Variants in ZNF266 observed in about 807,000 individuals in gnomAD.
ZNF266 encodes the protein zinc finger protein 1.
In ZNF266, 16 loss-of-function variants were observed where a neutral mutation model predicts 16.4. The ratio of observed to expected loss-of-function variants is 0.98; its 90% CI spans 0.66 to 1.48. The LOEUF (loss-of-function observed/expected upper bound fraction) is 1.48, where lower values mean the gene tolerates loss of function less well. Among genes scored for constraint, ZNF266 ranks in the 40% most tolerant of loss-of-function variants. The probability of loss-of-function intolerance (pLI) is 0.00; values close to 1 mark genes in which losing one functional copy is unlikely to be tolerated. For missense variants in ZNF266, 738 were observed against 689.1 expected, an observed-to-expected ratio of 1.07 and a Z score of -0.79; for synonymous variants, 262 against 237.9, an observed-to-expected ratio of 1.10 and a Z score of -0.93.
intron 5 of ZNF266, among the ~76,000 whole-genome samples, chr19:9,430,372 C>CACTT (rs148727083): frequency 6.6e-6 from 1 of 151,286 alleles, no homozygotes; most frequent in Non-Finnish European, 1.5e-5. Flanking sequence ...TTTTAAAGAC[C>CACTT]TTTCCTGAAC....
At chr19:9,432,138 T>A (rs1599574215) in intron 5 of ZNF266, among the ~76,000 whole-genome samples, 1 of 146,924 alleles carries the variant, frequency 6.8e-6, no homozygotes, top group African/African-American at 2.5e-5. Flanking sequence ...GTATTTTTTT[T>A]AATAGAGTCA....
intron 8 of ZNF266, among the ~76,000 whole-genome samples, chr19:9,418,125 C>T (rs753205931): frequency 2.0e-5 from 3 of 152,228 alleles, no homozygotes; most frequent in Non-Finnish European, 2.9e-5. Flanking sequence ...AGCACTAAGA[C>T]TTTTATCCAA....
chr19:9,421,569 T>C lies in ZNF266; in HGVS notation c.-129-1351A>G, dbSNP rs538845138. ...TCCAGTCTATCTTTTCACTCTCAAC[T>C]CCAGATAAGCACCCTGTGATTTCCT... On this transcript the variant is annotated intron_variant, in intron 5 of 10. Transcript: ENST00000592904. 1.3e-5 allele frequency among the ~76,000 whole-genome samples: 2 copies of C among 152,294 alleles called. 1 individual carries two copies. Among genetic ancestry groups the C allele is most frequent in the South Asian group, 4.1e-4 (2 of 4,826 alleles).
intron 5 of ZNF266, among the ~76,000 whole-genome samples, chr19:9,431,808 C>G (rs527894679): frequency 2.0e-5 from 3 of 152,162 alleles, no homozygotes; most frequent in Non-Finnish European, 4.4e-5. Context: ...TGTAATATGA[C>G]CCCAGAGATC....
intron 5 of ZNF266, among the ~76,000 whole-genome samples, chr19:9,429,351 C>T (rs986984955): frequency 6.6e-6 from 1 of 152,046 alleles, no homozygotes; most frequent in Admixed American, 6.6e-5. Context: ...AGGGGACCCA[C>T]CTGAACCTAA....
chr19:9,426,065 G>A (rs1235363205), intron 5 of ZNF266, among the ~76,000 whole-genome samples: 1 of 152,120 alleles, frequency 6.6e-6, no homozygotes, highest in Non-Finnish European at 1.5e-5. Context: ...GGGAGATGAC[G>A]GCACCTCGCT....
intron 9 of ZNF266, among the ~76,000 whole-genome samples, chr19:9,416,734 C>T (rs114269194): frequency 0.025 from 3,330 of 134,234 alleles, 70 homozygotes; most frequent in African/African-American, 0.058. Context: ...TTCAGCGGCA[C>T]GATCTTGGCT....
intron 10 of ZNF266, among the ~76,000 whole-genome samples, chr19:9,415,391 G>A (rs1265530513): frequency 1.3e-5 from 2 of 152,190 alleles, no homozygotes; most frequent in Non-Finnish European, 2.9e-5. Flanking sequence ...TTTTGGGAAT[G>A]CTACTTATCT....
At chr19:9,414,838 C>A in intron 10 of ZNF266, 118 bp from the exon 11 acceptor site, 1 of 1,206,390 alleles carries the variant, frequency 8.3e-7, no homozygotes, top group Non-Finnish European at 1.1e-6. Context: ...TTTCATTACA[C>A]ACATATAAGT....
intron 5 of ZNF266, among the ~76,000 whole-genome samples, chr19:9,429,502 C>G (rs894276385): frequency 2.0e-5 from 3 of 151,930 alleles, no homozygotes; most frequent in Non-Finnish European, 4.4e-5. Context: ...CACTTTATAC[C>G]CCAGTGACAT....
Position 9,413,983 on chromosome 19 carries a change from A to G in ZNF266, c.1143T>C (p.His381=). 6.2e-7 allele frequency: 1 copy of G among 1,614,154 alleles called. No individual in the cohort carries two copies. The highest frequency in any genetic ancestry group is 1.1e-5 in the South Asian group (1 of 91,078). The change falls in exon 11 of 11, where the codon CAT becomes CAC. Residue 381 remains histidine, a synonymous_variant. Coordinates refer to ENST00000592904, the MANE Select transcript of ZNF266 (RefSeq NM_001370374.1). Reference sequence around the variant, plus strand: ...GATCCTTTGCAGTGTGAGTTTTTAAATGTTCAGTAAGTTGAGAAGATCTAG... The same window carrying G: ...GATCCTTTGCAGTGTGAGTTTTTAAGTGTTCAGTAAGTTGAGAAGATCTAG... ...AFTRSSQLTE[H]LKTHTAKDPF...
Position 9,414,074 on chromosome 19 carries a change from C to T in ZNF266, c.1052G>A (p.Ser351Asn), listed in dbSNP as rs1042656390. The change falls in exon 11 of 11, where the codon AGT becomes AAT. Residue 351 changes from serine (S) to asparagine (N), a missense_variant. By Grantham distance (46) the Ser-to-Asn change is conservative. Coordinates refer to ENST00000592904, the MANE Select transcript of ZNF266 (RefSeq NM_001370374.1). ...GRAFTVSSCL[S>N]QHMKIHVGEK... is the part of the protein sequence containing the mutation. ...ACCCACATGGATTTTCATATGTTGACTTAAGCAAGAGGAAACAGTGAAGGC... is the reference window on the plus strand; with the variant it reads ...ACCCACATGGATTTTCATATGTTGATTTAAGCAAGAGGAAACAGTGAAGGC... 2.5e-6 allele frequency: 4 copies of T among 1,613,692 alleles called. No individual in the cohort carries two copies. The African/African-American group carries it at 5.3e-5, about 22-fold the overall frequency.
rs1176487864 is a variant in ZNF266 at position 9,418,571 on chromosome 19, C to G, written c.169G>C (p.Asp57His). Reference sequence around the variant, plus strand: ...CTGTAGAGGTTTCTCTGAGTTGGGTCCAGTAAAGTCCATTCTTCTGGGGTG... The same window carrying G: ...CTGTAGAGGTTTCTCTGAGTTGGGTGCAGTAAAGTCCATTCTTCTGGGGTG... Reference protein sequence around the residue: ...DFTPEEWTLLDPTQRNLYRDV... With the variant: ...DFTPEEWTLLHPTQRNLYRDV... Residue 57 changes from aspartate to histidine, a missense_variant, in exon 8 of 11, where the codon GAC becomes CAC. Physicochemically the swap from Asp to His is moderately conservative, Grantham distance 81 (BLOSUM62 -1). Transcript: ENST00000592904. 6.2e-7 allele frequency: 1 copy of G among 1,613,190 alleles called. No homozygotes were observed. The highest frequency in any genetic ancestry group is 8.5e-7 in the Non-Finnish European group (1 of 1,179,260).
At chr19:9,423,029 C>T (rs995873882) in intron 5 of ZNF266, among the ~76,000 whole-genome samples, 4 of 152,212 alleles carry the variant, frequency 2.6e-5, no homozygotes, top group Non-Finnish European at 5.9e-5. Flanking sequence ...GACAAAATCA[C>T]GTGCTCTAAA....
In ZNF266 at chr19:9,413,245, C is replaced by T. The variant is rs748408994; in HGVS notation, c.*30G>A. On this transcript the variant is annotated 3_prime_UTR_variant, in exon 11 of 11. Transcript: ENST00000592904. ...TGAGTTTTCATGTCTTCAGAGAGAA[C>T]AGGGACACCTTTAGGTTTTCCCACA... is the stretch of plus-strand genomic sequence containing the variant. 1 of 1,538,210 alleles carries T rather than the reference C, an allele frequency of 6.5e-7. No homozygotes were observed. The highest frequency in any genetic ancestry group is 8.7e-7 in the Non-Finnish European group (1 of 1,145,618).
rs1445944543 is a variant in ZNF266 at position 9,413,337 on chromosome 19, T to C, written c.1789A>G (p.Ser597Gly). 6.2e-7 allele frequency: 1 copy of C among 1,611,914 alleles called. No homozygotes were observed. The highest frequency in any genetic ancestry group is 1.3e-5 in the African/African-American group (1 of 74,974). Reference sequence around the variant, plus strand: ...TGATTTCGAAAGGAACTGGAAGAACTGAAGGCTTTCCCGCACTCCTTACAT... The same window carrying C: ...TGATTTCGAAAGGAACTGGAAGAACCGAAGGCTTTCCCGCACTCCTTACAT... ...YECKECGKAF[S>G]SSSSFRNHER... Residue 597 changes from serine to glycine, a missense_variant, in exon 11 of 11, where the codon AGT (serine) becomes GGT (glycine). Transcript: ENST00000592904.
chr19:9,428,039 T>C (rs2071025876), intron 5 of ZNF266, among the ~76,000 whole-genome samples: 1 of 152,168 alleles, frequency 6.6e-6, no homozygotes, highest in Admixed American at 6.5e-5. Context: ...CTGGCAACTT[T>C]TTAAATGCCT....
At chr19:9,432,271 G>C (rs1309795764) in intron 5 of ZNF266, among the ~76,000 whole-genome samples, 1 of 152,136 alleles carries the variant, frequency 6.6e-6, no homozygotes, top group Non-Finnish European at 1.5e-5. Flanking sequence ...CTTTTATCTT[G>C]ATACACATAG....
chr19:9,415,031 A>T (rs999497999), intron 10 of ZNF266, among the ~76,000 whole-genome samples: 1 of 152,214 alleles, frequency 6.6e-6, no homozygotes, highest in African/African-American at 2.4e-5. Flanking sequence ...GCAGTGGCTC[A>T]CGCCTGTAAT....
Sources: allele counts gnomAD v4.1 joint callset (sites outside exome capture counted in the v4.1 genomes callset), GRCh38; gene constraint gnomAD v4.1.1; transcripts MANE v1.5; gene names NCBI Gene and HGNC (gene_info 2026-07-23, HGNC 2026-07-21).